ANKS1B: variants seen among roughly 807,000 people sequenced by gnomAD.
The protein encoded by ANKS1B is ankyrin repeat and sterile alpha motif domain containing 1B, also known as ankyrin repeat and sterile alpha motif domain-containing protein 1B.
ANKS1B carries 36 observed loss-of-function variants against 148.3 expected under a neutral mutation model. The observed-to-expected ratio is 0.24, with a 90% CI of 0.19 to 0.32. ANKS1B has a LOEUF of 0.32. Ranked by LOEUF, ANKS1B falls within the 10% of genes least tolerant of loss-of-function variation. The pLI is 1.00. For missense variants in ANKS1B, 1,157 were observed against 1,542.6 expected, an observed-to-expected ratio of 0.75 and a Z score of 4.19; for synonymous variants, 542 against 560.8, an observed-to-expected ratio of 0.97 and a Z score of 0.47.
At chr12:99,551,758 G>A (rs1007264685) in intron 9 of ANKS1B, among the ~76,000 whole-genome samples, 2 of 152,132 alleles carry the variant, frequency 1.3e-5, no homozygotes, top group African/African-American at 4.8e-5. Context: ...GCATGAATTA[G>A]TGTAACAGTT....
intron 17 of ANKS1B, among the ~76,000 whole-genome samples, chr12:98,857,989 A>G (rs1253996228): frequency 1.3e-5 from 2 of 152,210 alleles, no homozygotes; most frequent in African/African-American, 2.4e-5. Flanking sequence ...TAATGTTAAA[A>G]TATTTCATAG....
intron 14 of ANKS1B, among the ~76,000 whole-genome samples, chr12:99,199,790 T>A (rs1336268234): frequency 1.3e-5 from 2 of 152,180 alleles, no homozygotes; most frequent in African/African-American, 4.8e-5. Context: ...CTGAGGCTCA[T>A]CATATTTTTC....
intron 15 of ANKS1B, among the ~76,000 whole-genome samples, chr12:99,105,835 T>C (rs2059092782): frequency 6.6e-6 from 1 of 151,858 alleles, no homozygotes; most frequent in Non-Finnish European, 1.5e-5. Context: ...GGTACCATAT[T>C]ATGCAGTAGA....
chr12:99,878,859 C>G (rs564699302), intron 1 of ANKS1B, among the ~76,000 whole-genome samples: 1 of 152,206 alleles, frequency 6.6e-6, no homozygotes, highest in African/African-American at 2.4e-5. Context: ...GTTGCAAAAT[C>G]TTCTCATCTT....
intron 9 of ANKS1B, chr12:99,648,051 A>G: frequency 7.3e-7 from 1 of 1,368,134 alleles, no homozygotes; most frequent in Non-Finnish European, 9.8e-7. Flanking sequence ...GACAAAAAAG[A>G]AAGCCTGCAG....
Position 98,801,061 on chromosome 12 carries a change from G to T in ANKS1B, c.3206C>A (p.Pro1069Gln), listed in dbSNP as rs764918916. Reference sequence around the variant, plus strand: ...TGGGTGATGCTGCCAGTACTGTACCGGGGTAGAGGCTGTGGCTTCATTCGG... The same window carrying T: ...TGGGTGATGCTGCCAGTACTGTACCTGGGTAGAGGCTGTGGCTTCATTCGG... Reference protein sequence around the residue: ...RPPNEATASTPVQYWQHHPEK... With the variant: ...RPPNEATASTQVQYWQHHPEK... The change falls in exon 21 of 27, where the codon CCG (proline) becomes CAG (glutamine). Residue 1069 changes from proline to glutamine, a missense_variant. By Grantham distance (76) the Pro-to-Gln change is moderately conservative. Transcript: ENST00000683438. The surrounding 1 kb of genome is among the most constrained non-coding windows in gnomAD (Gnocchi z 5.2). The T allele has an allele frequency of 6.2e-7, 1 of 1,612,726 alleles. No homozygotes were observed. The highest frequency in any genetic ancestry group is 8.5e-7 in the Non-Finnish European group (1 of 1,179,384).
chr12:98,835,169 G>C (rs769089917), intron 17 of ANKS1B, among the ~76,000 whole-genome samples: 1 of 151,798 alleles, frequency 6.6e-6, no homozygotes, highest in Middle Eastern at 3.4e-3. Context: ...TGGTACAATT[G>C]AGCTGATGTA....
chr12:99,284,091 G>A (rs1417511646), intron 12 of ANKS1B, among the ~76,000 whole-genome samples: 1 of 152,040 alleles, frequency 6.6e-6, no homozygotes, highest in Non-Finnish European at 1.5e-5. Context: ...TCATAAAGAA[G>A]AGATAAATCC....
At chr12:98,792,194 G>A (rs1174675113) in intron 22 of ANKS1B, among the ~76,000 whole-genome samples, 2 of 152,098 alleles carry the variant, frequency 1.3e-5, no homozygotes, top group East Asian at 3.8e-4. Flanking sequence ...CACTAGATTT[G>A]CTTATTTCTG....
chr12:99,608,543 C>G (rs2097869656), intron 9 of ANKS1B, among the ~76,000 whole-genome samples: 1 of 152,110 alleles, frequency 6.6e-6, no homozygotes, highest in African/African-American at 2.4e-5. Flanking sequence ...TACCCAGTAA[C>G]TGGTCAACCA....
intron 14 of ANKS1B, among the ~76,000 whole-genome samples, chr12:99,158,567 T>G (rs2076316830): frequency 6.6e-6 from 1 of 152,088 alleles, no homozygotes; most frequent in African/African-American, 2.4e-5. Flanking sequence ...ACTTGAAAAT[T>G]ATAAACAAAC....
intron 22 of ANKS1B, among the ~76,000 whole-genome samples, chr12:98,791,730 G>C (rs2098862141): frequency 6.6e-6 from 1 of 152,026 alleles, no homozygotes. Context: ...GCTCAACAGA[G>C]ACTTTTAAAA....
chr12:99,812,548 CACACACACACAGAGAGAG>C (rs1392929852), intron 2 of ANKS1B, among the ~76,000 whole-genome samples: 24 of 100,102 alleles, frequency 2.4e-4, no homozygotes, highest in Admixed American at 5.0e-4. Flanking sequence ...CACACACACA[CACACACACACAGAGAGAG>C]AGAGAGAGAG....
intron 9 of ANKS1B, among the ~76,000 whole-genome samples, chr12:99,526,639 C>G (rs2096929371): frequency 6.6e-6 from 1 of 152,096 alleles, no homozygotes; most frequent in Non-Finnish European, 1.5e-5. Flanking sequence ...AAGCTTGATT[C>G]TTAGATAAGC....
chr12:99,726,062 C>T (rs1252954068), intron 8 of ANKS1B, among the ~76,000 whole-genome samples: 2 of 152,096 alleles, frequency 1.3e-5, no homozygotes, highest in African/African-American at 4.8e-5. Context: ...GACACCCTAA[C>T]CTCACAATTA....
chr12:98,873,759 A>G (rs907101681), intron 17 of ANKS1B, among the ~76,000 whole-genome samples: 2 of 152,260 alleles, frequency 1.3e-5, no homozygotes, highest in African/African-American at 2.4e-5. Context: ...GAAAAAAGAC[A>G]GTCGTCGTCC....
At position 99,296,798 on chromosome 12, in the gene ANKS1B, T is replaced by G. The variant is rs368628730; in HGVS notation, c.1757-49934A>C. On this transcript the variant is annotated intron_variant, in intron 12 of 26. Transcript: ENST00000683438. ...ACTAAATATTTGTCGAATGATTGAC[T>G]ATTTGACAAATGTGCATTTAAGTAA... Among the ~76,000 whole-genome samples, 3 of 152,220 alleles carry G rather than the reference T, an allele frequency of 2.0e-5. No individual in the cohort carries two copies. In the East Asian group the frequency reaches 5.8e-4, roughly 29 times the overall value.
At chr12:98,937,616 C>T (rs2099819996) in intron 17 of ANKS1B, among the ~76,000 whole-genome samples, 1 of 152,226 alleles carries the variant, frequency 6.6e-6, no homozygotes, top group Non-Finnish European at 1.5e-5. Flanking sequence ...CTTTCCTGAA[C>T]CTCTCAGGTA....
At chr12:98,962,077 T>C (rs956681069) in intron 17 of ANKS1B, among the ~76,000 whole-genome samples, 10 of 151,592 alleles carry the variant, frequency 6.6e-5, no homozygotes, top group Non-Finnish European at 1.0e-4. Context: ...TCCTTACTTA[T>C]CAGTAATAAC....
Sources: allele counts gnomAD v4.1 joint callset (sites outside exome capture counted in the v4.1 genomes callset), GRCh38; gene constraint gnomAD v4.1.1; non-coding constraint Gnocchi (gnomAD v3.1); transcripts MANE v1.5; gene names NCBI Gene and HGNC (gene_info 2026-07-23, HGNC 2026-07-21).